The following NCKAP1 variants were observed in gnomAD, a reference collection of about 807,000 sequenced individuals.
The protein encoded by NCKAP1 is NCK associated protein 1.
A neutral mutation model predicts 151.2 loss-of-function variants in NCKAP1; 21 were observed. That is an observed-to-expected ratio of 0.14 (90% CI 0.10 to 0.20). NCKAP1 has a LOEUF of 0.20. NCKAP1 is among the 10% of genes least tolerant of loss of function. NCKAP1 has a pLI of 1.00. For synonymous variants in NCKAP1, 484 were observed against 451.8 expected (o/e 1.07, Z -0.90); for missense variants, 933 against 1,352.1 (o/e 0.69, Z 4.86).
At position 182,994,872 on chromosome 2, in the gene NCKAP1, G is replaced by C. The variant is rs1313752984; in HGVS notation, c.757C>G (p.Leu253Val). 1 of 1,606,238 alleles carries C rather than the reference G, an allele frequency of 6.2e-7. No individual in the cohort carries two copies. Among genetic ancestry groups the C allele is most frequent in the African/African-American group, 1.3e-5 (1 of 74,676 alleles). Residue 253 changes from leucine to valine, a missense_variant, in exon 8 of 31, where the codon CTC becomes GTC. Transcript: ENST00000361354. The part of the protein sequence containing the change: ...AQSDTMPCEY[L>V]SLDAMEKWII... ...CACTTTTCCATTGCATCCAAAGAGA[G>C]GTATTCACAAGGCATCTTAAAAAGA...
intron 23 of NCKAP1, among the ~76,000 whole-genome samples, chr2:182,945,038 T>C (rs886679236): frequency 1.3e-5 from 2 of 152,126 alleles, no homozygotes; most frequent in Admixed American, 6.5e-5. Context: ...AGTTTGAAAC[T>C]AGCCTGTCCA....
rs1418031662 is a variant in NCKAP1 at position 182,911,752 on chromosome 2, AAAAC to A, written c.*13946_*13949del. The stretch of plus-strand genomic sequence containing the variant: ...TTGATGGGAATTATTAAAAAAAAAC[AAAAC>A]AAACAGAACCGCTTTTGGAGAAACT... On this transcript the variant is annotated 3_prime_UTR_variant, in exon 31 of 31. Coordinates refer to ENST00000361354, the MANE Select transcript of NCKAP1 (RefSeq NM_013436.5). 2.6e-5 allele frequency: 4 copies of A among 151,396 alleles called. No individual in the cohort carries two copies. Among genetic ancestry groups the A allele is most frequent in the Non-Finnish European group, 5.9e-5 (4 of 67,950 alleles). 9.4% of individuals were successfully genotyped at this position (151,396 alleles called of 1,614,324 possible).
chr2:182,912,676 T>TA lies in NCKAP1; in HGVS notation c.*13025dup, dbSNP rs1358167329. The stretch of plus-strand genomic sequence containing the variant: ...CATAATAAAAATGGAATTTGAATGT[T>TA]AGAGTGCAACCTGACAAAATGATTT... On this transcript the variant is annotated 3_prime_UTR_variant, in exon 31 of 31. Coordinates refer to ENST00000361354, the MANE Select transcript of NCKAP1 (RefSeq NM_013436.5). 1 of 152,228 alleles carries TA rather than the reference T, an allele frequency of 6.6e-6. No individual in the cohort carries two copies. The highest frequency in any genetic ancestry group is 2.4e-5 in the African/African-American group (1 of 41,462). The allele number at this position is 152,228 out of a possible 1,614,324, so 9.4% of individuals were successfully genotyped here. A position where few individuals can be genotyped will look rare whatever the true frequency, so the allele number is the denominator to read the frequency against.
intron 18 of NCKAP1, among the ~76,000 whole-genome samples, chr2:182,961,927 T>G (rs1294270609): frequency 6.6e-6 from 1 of 152,190 alleles, no homozygotes; most frequent in Non-Finnish European, 1.5e-5. Flanking sequence ...ACTACACACA[T>G]GTAAAAACTA....
chr2:182,927,335 GA>G (rs1353582832), intron 29 of NCKAP1: 1 of 152,376 alleles, frequency 6.6e-6, no homozygotes, highest in African/African-American at 2.4e-5. Context: ...TTTGCAAATG[GA>G]AAGAAACACT....
At chr2:183,033,232 T>G (rs1275656728) in intron 1 of NCKAP1, among the ~76,000 whole-genome samples, 1 of 152,248 alleles carries the variant, frequency 6.6e-6, no homozygotes. Context: ...ATAGCTTTTG[T>G]GCCAACAAGA....
chr2:183,011,574 G>A (rs1698590786), intron 2 of NCKAP1, among the ~76,000 whole-genome samples: 2 of 152,154 alleles, frequency 1.3e-5, no homozygotes, highest in Admixed American at 6.5e-5. Context: ...ACTTATTCAT[G>A]TTATAGCGTT....
intron 26 of NCKAP1, among the ~76,000 whole-genome samples, chr2:182,933,639 C>T (rs1189694481): frequency 6.6e-6 from 1 of 151,896 alleles, no homozygotes; most frequent in African/African-American, 2.4e-5. Context: ...GTGATCCACC[C>T]ACCTTGCTCA....
rs181008211 is a variant in NCKAP1 at position 183,029,272 on chromosome 2, T to G, written c.109-5356A>C. Among the ~76,000 whole-genome samples the G allele has an allele frequency of 5.9e-5, 9 of 152,246 alleles. No homozygotes were observed. The East Asian group carries it at 1.7e-3, about 29-fold the overall frequency. On this transcript the variant is annotated intron_variant, in intron 1 of 30. Coordinates refer to ENST00000361354, the MANE Select transcript of NCKAP1 (RefSeq NM_013436.5). ...ATCCGGGCCACAAAAGAAACATCTT[T>G]GATTAGAAACATCAAGCCTAGACCC...
chr2:182,983,499 C>T (rs1260399485), intron 10 of NCKAP1, 117 bp from the exon 11 acceptor site: 1 of 631,546 alleles, frequency 1.6e-6, no homozygotes, highest in Non-Finnish European at 2.7e-6. Context: ...AGCCAAAGTT[C>T]CTATAAAAAT....
At chr2:183,029,244 A>G (rs926909676) in intron 1 of NCKAP1, among the ~76,000 whole-genome samples, 5 of 152,196 alleles carry the variant, frequency 3.3e-5, no homozygotes, top group African/African-American at 9.7e-5. Context: ...TACACAATAT[A>G]TTATCCGGGC....
chr2:182,945,771 A>G (rs1697090979), intron 23 of NCKAP1, among the ~76,000 whole-genome samples: 1 of 152,230 alleles, frequency 6.6e-6, no homozygotes, highest in African/African-American at 2.4e-5. Flanking sequence ...TTAAAACAGA[A>G]TTACTACTCA....
At position 183,002,001 on chromosome 2, in the gene NCKAP1, A is replaced by G; in HGVS notation, c.555T>C (p.Tyr185=). 6.2e-7 allele frequency: 1 copy of G among 1,613,880 alleles called. No homozygotes were observed. The highest frequency in any genetic ancestry group is 1.3e-5 in the African/African-American group (1 of 75,030). The part of the protein sequence containing the change: ...YPRLGQMIVD[Y]ENPLKKMMEE... ...CCATCATCTTCTTTAAAGGGTTTTC[A>G]TAATCCACAATCATCTGGCCAAGGC... Residue 185 remains tyrosine, a synonymous_variant, in exon 6 of 31, where the codon TAT becomes TAC. Coordinates refer to ENST00000361354, the MANE Select transcript of NCKAP1 (RefSeq NM_013436.5).
intron 2 of NCKAP1, among the ~76,000 whole-genome samples, chr2:183,009,908 G>A (rs1359496575): frequency 2.0e-5 from 3 of 152,130 alleles, no homozygotes; most frequent in Non-Finnish European, 4.4e-5. Context: ...GTAGCGTAGG[G>A]ACAAGCTAAA....
At chr2:183,008,217 C>T (rs1043725084) in intron 2 of NCKAP1, among the ~76,000 whole-genome samples, 6 of 152,168 alleles carry the variant, frequency 3.9e-5, no homozygotes, top group African/African-American at 1.4e-4. Context: ...CATGAGCCAC[C>T]ACGCCCAGCC....
At chr2:182,941,843 C>T (rs866887196) in intron 24 of NCKAP1, among the ~76,000 whole-genome samples, 139 of 152,114 alleles carry the variant, frequency 9.1e-4, no homozygotes, top group African/African-American at 3.2e-3. Context: ...CATGAACTAG[C>T]GACACATAGT....
At chr2:182,949,419 G>A (rs1342736790) in intron 23 of NCKAP1, among the ~76,000 whole-genome samples, 9 of 152,134 alleles carry the variant, frequency 5.9e-5, no homozygotes, top group African/African-American at 1.9e-4. Flanking sequence ...TTCCTAATTT[G>A]TAAAATAAGG....
At chr2:182,989,285 T>C in intron 8 of NCKAP1, 99 bp from the exon 9 acceptor site, 1 of 884,580 alleles carries the variant, frequency 1.1e-6, no homozygotes, top group South Asian at 1.9e-5. Flanking sequence ...GTAACCACGA[T>C]CACTAAATTG....
chr2:182,939,360 T>C (rs1052721882), intron 24 of NCKAP1, among the ~76,000 whole-genome samples: 10 of 152,006 alleles, frequency 6.6e-5, no homozygotes, highest in Middle Eastern at 3.4e-3. Flanking sequence ...TGAAACCCCA[T>C]CTTACTAAAA....
Sources: allele counts gnomAD v4.1 joint callset (sites outside exome capture counted in the v4.1 genomes callset), GRCh38; gene constraint gnomAD v4.1.1; transcripts MANE v1.5; gene names NCBI Gene and HGNC (gene_info 2026-07-23, HGNC 2026-07-21).